The following COL9A2 variants were observed in gnomAD, a reference collection of about 807,000 sequenced individuals.
The protein encoded by COL9A2 is collagen alpha-2(IX) chain.
A neutral mutation model predicts 111.6 loss-of-function variants in COL9A2; 66 were observed. The ratio of observed to expected loss-of-function variants is 0.59; its 90% CI spans 0.48 to 0.73. The LOEUF (loss-of-function observed/expected upper bound fraction) is 0.73. Ranked by LOEUF, COL9A2 falls within the 30% of genes least tolerant of loss-of-function variation. The probability of loss-of-function intolerance (pLI) is 0.00; values close to 1 mark genes in which losing one functional copy is unlikely to be tolerated. For missense variants in COL9A2, 881 were observed against 954.1 expected, an observed-to-expected ratio of 0.92 and a Z score of 1.01; for synonymous variants, 353 against 364.1, an observed-to-expected ratio of 0.97 and a Z score of 0.35.
At position 40,311,646 on chromosome 1, in the gene COL9A2, G is replaced by C. The variant is rs771030887; in HGVS notation, c.471+16C>G. 3 of 1,613,920 alleles carry C rather than the reference G, an allele frequency of 1.9e-6. No individual in the cohort carries two copies. The highest frequency in any genetic ancestry group is 2.5e-6 in the Non-Finnish European group (3 of 1,179,822). On this transcript the variant is annotated intron_variant, in intron 9 of 31. Transcript: ENST00000372748. This position sits in a 1 kb window ranked among gnomAD's most constrained non-coding sequence, Gnocchi z 5.1. ...TCCCCTGCACTTTGCCATGTCGGGG[G>C]TCTGGGGACACTTACAGGTTTCCCA...
At chr1:40,308,534 A>G (rs547610226) in intron 16 of COL9A2, among the ~76,000 whole-genome samples, 25 of 152,376 alleles carry the variant, frequency 1.6e-4, no homozygotes, top group African/African-American at 6.0e-4. Flanking sequence ...CCACTCAGCC[A>G]AAGGAACACA....
At position 40,301,201 on chromosome 1, in the gene COL9A2, C is replaced by T. The variant is rs765273618; in HGVS notation, c.2051G>A (p.Gly684Glu). 10 of 1,613,762 alleles carry T rather than the reference C, an allele frequency of 6.2e-6. No homozygotes were observed. The highest frequency in any genetic ancestry group is 1.3e-5 in the African/African-American group (1 of 75,046). ...TGATGCTCAAGGCCCCTTGATGGAT[C>T]CAGGCTCTGTAAGGCGGGCAGAGGC... ...AYASARLTEP[G>E]SIKGP Residue 684 changes from glycine (G) to glutamate (E), a missense_variant, in exon 32 of 32, where the codon GGA (glycine) becomes GAA (glutamate). Physicochemically the swap from Gly to Glu is moderately conservative, Grantham distance 98 (BLOSUM62 -2). Transcript: ENST00000372748.
chr1:40,305,227 C>CG (rs1259644660), intron 21 of COL9A2, among the ~76,000 whole-genome samples: 9 of 152,026 alleles, frequency 5.9e-5, no homozygotes, highest in Admixed American at 2.6e-4. Flanking sequence ...GCCACCGCCC[C>CG]AGGCTAATTT....
Position 40,312,819 on chromosome 1 carries a change from C to T in COL9A2, c.250-35G>A, listed in dbSNP as rs1252452440. ...AATGAAAATGTAGGATCAATGAGGG[C>T]CAACCTGCTCCCTGACCCACAGAGC... is the stretch of plus-strand genomic sequence containing the variant. On this transcript the variant is annotated intron_variant, in intron 4 of 31. Coordinates refer to ENST00000372748, the MANE Select transcript of COL9A2 (RefSeq NM_001852.4). The surrounding 1 kb of genome is among the most constrained non-coding windows in gnomAD (Gnocchi z 6.0). The T allele has an allele frequency of 3.9e-6, 6 of 1,538,564 alleles. No homozygotes were observed. Among genetic ancestry groups the T allele is most frequent in the Non-Finnish European group, 5.3e-6 (6 of 1,136,748 alleles).
Position 40,316,768 on chromosome 1 carries a change from C to G in COL9A2, c.75+355G>C. ...GTTGGAGCCGGCGCCCCCTGGGAGG[C>G]GGCGGGGGCGGAGGCTGCGCAGCGG... is the stretch of plus-strand genomic sequence containing the variant. On this transcript the variant is annotated intron_variant, in intron 1 of 31. Coordinates refer to ENST00000372748, the MANE Select transcript of COL9A2 (RefSeq NM_001852.4). The surrounding 1 kb of genome is among the most constrained non-coding windows in gnomAD (Gnocchi z 5.5). 1 of 371,148 alleles carries G rather than the reference C, an allele frequency of 2.7e-6. No individual in the cohort carries two copies. 23.0% of individuals were successfully genotyped at this position (371,148 alleles called of 1,614,324 possible). A position where few individuals can be genotyped will look rare whatever the true frequency, so the allele number is the denominator to read the frequency against.
chr1:40,314,996 G>A lies in COL9A2; in HGVS notation c.150+594C>T, dbSNP rs1360076487. Among the ~76,000 whole-genome samples, 1 of 151,816 alleles carries A rather than the reference G, an allele frequency of 6.6e-6. No individual in the cohort carries two copies. The highest frequency in any genetic ancestry group is 1.5e-5 in the Non-Finnish European group (1 of 67,912). ...GCATTTCAGAGCCCTCAGCAGCCAG[G>A]GCCTGGCCGGGGGCCCAGCATCCTG... On this transcript the variant is annotated intron_variant, in intron 2 of 31. Transcript: ENST00000372748. This position sits in a 1 kb window ranked among gnomAD's most constrained non-coding sequence, Gnocchi z 4.1.
At chr1:40,309,302 T>C (rs1644078483) in intron 16 of COL9A2, among the ~76,000 whole-genome samples, 1 of 151,790 alleles carries the variant, frequency 6.6e-6, no homozygotes. Context: ...AATAAAAGTA[T>C]AAGAATTTTT....
rs1326824388 is a variant in COL9A2, at chr1:40,310,798, C to T, written c.631-31G>A. On this transcript the variant is annotated intron_variant, in intron 12 of 31. Transcript: ENST00000372748. The surrounding 1 kb of genome is among the most constrained non-coding windows in gnomAD (Gnocchi z 4.9). ...GGGCAGGGATGAGCTGTCAGACAGG[C>T]AGGCAGATGGAAAGACACATATACA... 5.2e-6 allele frequency: 8 copies of T among 1,541,290 alleles called. No individual in the cohort carries two copies. The Admixed American group carries it at 9.7e-5, about 19-fold the overall frequency.
chr1:40,303,737 G>A lies in COL9A2; in HGVS notation c.1402-61C>T. The A allele has an allele frequency of 6.0e-6, 9 of 1,505,170 alleles. No homozygotes were observed. The highest frequency in any genetic ancestry group is 3.7e-5 in the South Asian group (3 of 81,676). The allele number at this position is 1,505,170 out of a possible 1,614,324, so 93.2% of individuals were successfully genotyped here. Reference sequence around the variant, plus strand: ...AGAAGGCGCCCGGGTGGGCGAGAGTGGGGGGTGGGGGTCGAGGAAGGGAGT... The same window carrying A: ...AGAAGGCGCCCGGGTGGGCGAGAGTAGGGGGTGGGGGTCGAGGAAGGGAGT... On this transcript the variant is annotated intron_variant, in intron 27 of 31. Coordinates refer to ENST00000372748, the MANE Select transcript of COL9A2 (RefSeq NM_001852.4). The surrounding 1 kb of genome is among the most constrained non-coding windows in gnomAD (Gnocchi z 4.6).
At position 40,311,571 on chromosome 1, in the gene COL9A2, G is replaced by A; in HGVS notation, c.472-24C>T. ...CCCTGAGAGGAGACATGAAGATGGA[G>A]CTTGGCCTGACCCTTTCCCGCCGCA... On this transcript the variant is annotated intron_variant, in intron 9 of 31. Transcript: ENST00000372748. The surrounding 1 kb of genome is among the most constrained non-coding windows in gnomAD (Gnocchi z 5.1). The A allele has an allele frequency of 3.1e-6, 5 of 1,614,000 alleles. No individual in the cohort carries two copies. Among genetic ancestry groups the A allele is most frequent in the Non-Finnish European group, 4.2e-6 (5 of 1,179,986 alleles).
Position 40,312,750 on chromosome 1 carries a change from A to G in COL9A2, c.284T>C (p.Met95Thr). Residue 95 changes from methionine (M) to threonine (T), a missense_variant, in exon 5 of 32, where the codon ATG becomes ACG. Transcript: ENST00000372748. This position sits in a 1 kb window ranked among gnomAD's most constrained non-coding sequence, Gnocchi z 6.0. ...CCTTACCTTGACTCCAGGGATCCCC[A>G]TGGGGCCAGGCTCCCCCTTGGCTCC... ...LTGAKGEPGP[M>T]GIPGVKGQPG... is the part of the protein sequence containing the mutation. 1 of 1,552,972 alleles carries G rather than the reference A, an allele frequency of 6.4e-7. No individual in the cohort carries two copies. Among genetic ancestry groups the G allele is most frequent in the Non-Finnish European group, 8.7e-7 (1 of 1,147,632 alleles).
At position 40,304,709 on chromosome 1, in the gene COL9A2, C is replaced by T. The variant is rs371902629; in HGVS notation, c.1161+85G>A. 1.3e-5 allele frequency: 18 copies of T among 1,431,138 alleles called. 1 individual carries two copies. Among genetic ancestry groups the T allele is most frequent in the South Asian group, 3.7e-5 (3 of 81,378 alleles). The allele number at this position is 1,431,138 out of a possible 1,614,324, so 88.7% of individuals were successfully genotyped here. On this transcript the variant is annotated intron_variant, in intron 22 of 31. Coordinates refer to ENST00000372748, the MANE Select transcript of COL9A2 (RefSeq NM_001852.4). ...AGGCCCTGCCTGGGGAGGCATCTCA[C>T]GGGCTGCACGGAGCAGATGCTGTAT...
In COL9A2 at chr1:40,301,269, C is replaced by T. The variant is rs144539022; in HGVS notation, c.1983G>A (p.Pro661=). The change falls in exon 32 of 32, where the codon CCG becomes CCA. Residue 661 remains proline (P), a synonymous_variant. Transcript: ENST00000372748. ...GGCAGGCGGCAGGTTCACAGAAGCC[C>T]GGCAGCCCCACGGGGCCTGGCAGGC... ...RPGLPGPVGL[P]GFCEPAACLG... 12 of 1,613,930 alleles carry T rather than the reference C, an allele frequency of 7.4e-6. No individual in the cohort carries two copies. In the African/African-American group the frequency reaches 8.0e-5, roughly 11 times the overall value.
intron 23 of COL9A2, 42 bp from the exon 24 acceptor site, chr1:40,304,433 C>G: frequency 1.2e-6 from 2 of 1,613,492 alleles, no homozygotes; most frequent in Non-Finnish European, 1.7e-6. Flanking sequence ...GAATGAGGGG[C>G]CTGGATATGA....
At chr1:40,315,296 C>A in intron 2 of COL9A2, 1 of 1,236,162 alleles carries the variant, frequency 8.1e-7, no homozygotes, top group Non-Finnish European at 1.0e-6. Flanking sequence ...CCTCCTACCC[C>A]ACAAGGAGGG....
Position 40,307,695 on chromosome 1 carries a change from A to C in COL9A2, c.954+8T>G. On this transcript the variant is annotated splice_region_variant and intron_variant, in intron 18 of 31. Transcript: ENST00000372748. The surrounding 1 kb of genome is among the most constrained non-coding windows in gnomAD (Gnocchi z 4.8). ...CTGCCCCAGTCCCATCAGCAGCCCC[A>C]CTCCTACCTTCATGCCAGGCGTGCC... 1 of 1,613,602 alleles carries C rather than the reference A, an allele frequency of 6.2e-7. No homozygotes were observed. The highest frequency in any genetic ancestry group is 8.5e-7 in the Non-Finnish European group (1 of 1,179,830).
intron 16 of COL9A2, among the ~76,000 whole-genome samples, chr1:40,308,569 C>T (rs1476669562): frequency 6.6e-6 from 1 of 152,226 alleles, no homozygotes; most frequent in East Asian, 1.9e-4. Context: ...TGTGTGGATG[C>T]TGTGTGAGTC....
chr1:40,306,085 G>A (rs986434395), intron 20 of COL9A2, 58 bp downstream of exon 20: 3 of 1,599,526 alleles, frequency 1.9e-6, no homozygotes, highest in Non-Finnish European at 1.7e-6. Flanking sequence ...GGGCCTTGCT[G>A]TCTTCCTGGC....
chr1:40,310,973 C>T lies in COL9A2; in HGVS notation c.630+120G>A, dbSNP rs149990098. The T allele has an allele frequency of 9.9e-5, 137 of 1,378,150 alleles. No individual in the cohort carries two copies. The African/African-American group carries it at 1.3e-3, about 13-fold the overall frequency. 85.4% of individuals were successfully genotyped at this position (1,378,150 alleles called of 1,614,324 possible). A position where few individuals can be genotyped will look rare whatever the true frequency, so the allele number is the denominator to read the frequency against. ...ACCTGGAGCACAGGCCTCCAGCCCC[C>T]GGCTCAAGGCTCTGTCCCCAGAACC... On this transcript the variant is annotated intron_variant, in intron 12 of 31. Transcript: ENST00000372748. This position sits in a 1 kb window ranked among gnomAD's most constrained non-coding sequence, Gnocchi z 4.9.
Sources: gnomAD v4.1 joint callset for allele counts (sites outside exome capture counted in the v4.1 genomes callset) on GRCh38, gnomAD v4.1.1 for gene constraint, Gnocchi (gnomAD v3.1) non-coding constraint, MANE v1.5 for transcripts, NCBI Gene and HGNC (gene_info 2026-07-23, HGNC 2026-07-21) for gene names.